Variants in CSMD1 observed in about 807,000 individuals in gnomAD.
CSMD1 encodes the protein CUB and sushi domain-containing protein 1.
CSMD1 carries 213 observed loss-of-function variants against 417.5 expected under a neutral mutation model. That is an observed-to-expected ratio of 0.51 (90% confidence interval 0.46 to 0.57). The LOEUF (loss-of-function observed/expected upper bound fraction) is 0.57, where lower values mean the gene tolerates loss of function less well. CSMD1 is among the 20% of genes least tolerant of loss of function. The probability of loss-of-function intolerance (pLI) is 0.00; values close to 1 mark genes in which losing one functional copy is unlikely to be tolerated. For synonymous variants in CSMD1, 2,862 were observed against 1,736.8 expected (o/e 1.65, Z -16.11); for missense variants, 6,923 against 4,529.7 (o/e 1.53, Z -15.17).
At chr8:3,434,226 T>G (rs1814407385) in intron 12 of CSMD1, among the ~76,000 whole-genome samples, 1 of 152,218 alleles carries the variant, frequency 6.6e-6, no homozygotes, top group Admixed American at 6.5e-5. Context: ...TTCAGAATAT[T>G]ACCTCTGTAA....
At chr8:3,591,862 G>A (rs1800862666) in intron 8 of CSMD1, among the ~76,000 whole-genome samples, 1 of 152,086 alleles carries the variant, frequency 6.6e-6, no homozygotes, top group East Asian at 1.9e-4. Context: ...ATAAATAGAT[G>A]ATAGATGAAT....
At chr8:3,545,351 A>G (rs902661846) in intron 10 of CSMD1, among the ~76,000 whole-genome samples, 3 of 152,188 alleles carry the variant, frequency 2.0e-5, no homozygotes, top group East Asian at 1.9e-4. Flanking sequence ...CTTTATTCCA[A>G]TACTTAACAT....
At chr8:4,968,042 C>T (rs930551858) in intron 1 of CSMD1, among the ~76,000 whole-genome samples, 2 of 151,890 alleles carry the variant, frequency 1.3e-5, no homozygotes, top group Non-Finnish European at 2.9e-5. Context: ...ATAAACCAAG[C>T]CAGCCAAATT....
chr8:4,369,977 G>T lies in CSMD1; in HGVS notation c.415+49976C>A, dbSNP rs190037749. Among the ~76,000 whole-genome samples, 16 of 152,178 alleles carry T rather than the reference G, an allele frequency of 1.1e-4. No individual in the cohort carries two copies. In the East Asian group the frequency reaches 1.7e-3, roughly 17 times the overall value. ...GGGTCAATACTGACACGTGAGAATT[G>T]TATCTATCATCTTGCTGTAAGCTGG... On this transcript the variant is annotated intron_variant, in intron 3 of 69. Coordinates refer to ENST00000635120, the MANE Select transcript of CSMD1 (RefSeq NM_033225.6).
intron 54 of CSMD1, among the ~76,000 whole-genome samples, chr8:2,987,337 A>T (rs1806007887): frequency 6.6e-6 from 1 of 150,642 alleles, no homozygotes; most frequent in Admixed American, 6.6e-5. Flanking sequence ...ATTATATGTA[A>T]GCTTATGTGT....
intron 18 of CSMD1, among the ~76,000 whole-genome samples, chr8:3,384,896 A>G (rs1201263836): frequency 6.5e-5 from 8 of 122,358 alleles, no homozygotes; most frequent in African/African-American, 2.6e-4. Context: ...TATATAATAT[A>G]TATTATATAT....
At chr8:4,890,570 A>T (rs930764062) in intron 1 of CSMD1, among the ~76,000 whole-genome samples, 1 of 150,022 alleles carries the variant, frequency 6.7e-6, no homozygotes, top group Non-Finnish European at 1.5e-5. Context: ...AGTCATGGGC[A>T]TCCTGGGCAG....
At chr8:3,554,475 G>C (rs1346989354) in intron 10 of CSMD1, among the ~76,000 whole-genome samples, 2 of 152,174 alleles carry the variant, frequency 1.3e-5, no homozygotes, top group Non-Finnish European at 1.5e-5. Flanking sequence ...CCCACATTGA[G>C]GGGAAGGGAG....
chr8:4,043,444 G>C (rs1487251402), intron 3 of CSMD1, among the ~76,000 whole-genome samples: 1 of 152,180 alleles, frequency 6.6e-6, no homozygotes, highest in Non-Finnish European at 1.5e-5. Flanking sequence ...TGCACATCAT[G>C]ATAATGGATG....
At chr8:3,230,711 G>T (rs1798786234) in intron 26 of CSMD1, among the ~76,000 whole-genome samples, 1 of 152,088 alleles carries the variant, frequency 6.6e-6, no homozygotes, top group African/African-American at 2.4e-5. Context: ...AGGTCTAGAG[G>T]AGATGACCAG....
chr8:3,128,646 ACTAT>A (rs1305290147), intron 41 of CSMD1: 1 of 307,440 alleles, frequency 3.3e-6, no homozygotes, highest in Non-Finnish European at 6.4e-6. Context: ...ACACTGACAA[ACTAT>A]CTAATTAAGT....
At chr8:3,715,169 T>G (rs1374131956) in intron 6 of CSMD1, among the ~76,000 whole-genome samples, 1 of 152,212 alleles carries the variant, frequency 6.6e-6, no homozygotes, top group Non-Finnish European at 1.5e-5. Flanking sequence ...TTAATTATTT[T>G]TTGCAAATTA....
chr8:3,242,615 G>A (rs978881882), intron 26 of CSMD1, among the ~76,000 whole-genome samples: 25 of 152,172 alleles, frequency 1.6e-4, no homozygotes, highest in Middle Eastern at 3.4e-3. Context: ...AGGCATTTAG[G>A]TTTTAGGTCA....
At chr8:4,450,922 G>T (rs182947137) in intron 2 of CSMD1, among the ~76,000 whole-genome samples, 23 of 152,058 alleles carry the variant, frequency 1.5e-4, no homozygotes, top group African/African-American at 2.9e-4. Flanking sequence ...TCATGGAGAG[G>T]AAAGGGCCAA....
chr8:3,747,249 T>C (rs1377252291), intron 6 of CSMD1, among the ~76,000 whole-genome samples: 1 of 152,342 alleles, frequency 6.6e-6, no homozygotes, highest in East Asian at 1.9e-4. Context: ...AGCTTCTTTC[T>C]GTTCTGCCAT....
At chr8:4,587,210 A>G (rs559386321) in intron 2 of CSMD1, among the ~76,000 whole-genome samples, 1 of 152,254 alleles carries the variant, frequency 6.6e-6, no homozygotes, top group South Asian at 2.1e-4. Context: ...TTCCTTCAGT[A>G]AAAAATGAGT....
chr8:3,740,621 T>C (rs1475289434), intron 6 of CSMD1, among the ~76,000 whole-genome samples: 1 of 152,144 alleles, frequency 6.6e-6, no homozygotes, highest in Non-Finnish European at 1.5e-5. Flanking sequence ...TGTGATTTGA[T>C]GCTGGTAAAG....
chr8:4,450,087 C>T (rs1277459195), intron 2 of CSMD1, among the ~76,000 whole-genome samples: 1 of 152,202 alleles, frequency 6.6e-6, no homozygotes, highest in Non-Finnish European at 1.5e-5. Context: ...TCCTGTCTCA[C>T]TTCTGCTCAA....
intron 25 of CSMD1, among the ~76,000 whole-genome samples, chr8:3,292,543 A>G (rs1803657679): frequency 6.6e-6 from 1 of 152,324 alleles, no homozygotes; most frequent in Non-Finnish European, 1.5e-5. Flanking sequence ...TAGGAGAGCT[A>G]GCTTTTCTTG....
Sources: gnomAD v4.1 joint callset for allele counts (sites outside exome capture counted in the v4.1 genomes callset) on GRCh38, gnomAD v4.1.1 for gene constraint, MANE v1.5 for transcripts, NCBI Gene and HGNC (gene_info 2026-07-23, HGNC 2026-07-21) for gene names.